The following NRG1 variants were observed in gnomAD, a reference collection of about 807,000 sequenced individuals.
NRG1 encodes neuregulin 1.
Under a neutral mutation model 63.8 loss-of-function variants are expected in NRG1, and 18 were observed. The ratio of observed to expected loss-of-function variants is 0.28; its 90% CI spans 0.19 to 0.42. NRG1 has a LOEUF of 0.42. Among genes scored for constraint, NRG1 ranks in the 10% least tolerant of loss-of-function variants. NRG1 has a pLI of 1.00. For missense variants in NRG1, 762 were observed against 814.7 expected, an observed-to-expected ratio of 0.94 and a Z score of 0.79; for synonymous variants, 302 against 301.3, an observed-to-expected ratio of 1.00 and a Z score of -0.02.
At chr8:31,831,492 C>T (rs1825159386) in intron 1 of NRG1, among the ~76,000 whole-genome samples, 1 of 152,160 alleles carries the variant, frequency 6.6e-6, no homozygotes. Context: ...GAGCTTCAAA[C>T]AGTTCTTCCT....
At chr8:31,775,072 C>T (rs1306355034) in intron 1 of NRG1, among the ~76,000 whole-genome samples, 8 of 98,582 alleles carry the variant, frequency 8.1e-5, no homozygotes. Flanking sequence ...CTATTCAATC[C>T]AGTAATCCCA....
chr8:32,350,605 A>G (rs17706408), intron 1 of NRG1, among the ~76,000 whole-genome samples: 10,818 of 152,254 alleles, frequency 0.071, 484 homozygotes, highest in Middle Eastern at 0.14. Flanking sequence ...AAGAGATCTG[A>G]TCAGATTTGA....
At chr8:31,954,959 T>G (rs2129624183) in intron 1 of NRG1, among the ~76,000 whole-genome samples, 1 of 152,142 alleles carries the variant, frequency 6.6e-6, no homozygotes, top group South Asian at 2.1e-4. Context: ...AGAATATTTC[T>G]TATCACAGAG....
intron 1 of NRG1, among the ~76,000 whole-genome samples, chr8:32,130,580 C>G (rs576995921): frequency 2.6e-5 from 4 of 151,964 alleles, no homozygotes; most frequent in African/African-American, 9.6e-5. Flanking sequence ...TGCAAGGAAC[C>G]AGGCATAAAT....
intron 5 of NRG1, among the ~76,000 whole-genome samples, chr8:32,643,976 T>TG (rs1295223583): frequency 6.6e-6 from 1 of 152,176 alleles, no homozygotes; most frequent in Non-Finnish European, 1.5e-5. Context: ...AAAAGCAGTA[T>TG]TTTTCAGCAG....
Position 32,760,423 on chromosome 8 carries a change from A to C in NRG1, c.1259+17A>C, listed in dbSNP as rs1053043517. ...TAGTGAAAGGTAAAACCGAAGGGCA[A>C]AGCTACTGCAGAGGAGAAACTCAGT... On this transcript the variant is annotated intron_variant, in intron 11 of 11. Coordinates refer to ENST00000356819, the Ensembl canonical transcript of NRG1. 9 of 1,612,492 alleles carry C rather than the reference A, an allele frequency of 5.6e-6. No individual in the cohort carries two copies. The highest frequency in any genetic ancestry group is 7.6e-6 in the Non-Finnish European group (9 of 1,179,758).
chr8:32,280,094 A>G (rs4733117), intron 1 of NRG1, among the ~76,000 whole-genome samples: 1 of 152,132 alleles, frequency 6.6e-6, no homozygotes, highest in African/African-American at 2.4e-5. Context: ...AAATGCTGAT[A>G]AATTCCTGTA....
At chr8:31,959,703 A>T (rs894293982) in intron 1 of NRG1, among the ~76,000 whole-genome samples, 4 of 151,858 alleles carry the variant, frequency 2.6e-5, no homozygotes, top group Non-Finnish European at 5.9e-5. Context: ...CCCAAATGAC[A>T]TTTTTTTTAA....
intron 1 of NRG1, among the ~76,000 whole-genome samples, chr8:31,887,977 G>T (rs1830851172): frequency 6.6e-6 from 1 of 150,768 alleles, no homozygotes; most frequent in Admixed American, 6.6e-5. Flanking sequence ...TATAAATATT[G>T]ATATATTACA....
At chr8:32,222,758 G>A (rs1367466313) in intron 1 of NRG1, among the ~76,000 whole-genome samples, 1 of 152,082 alleles carries the variant, frequency 6.6e-6, no homozygotes, top group Admixed American at 6.6e-5. Flanking sequence ...GCCATCACCA[G>A]GTATAAGGTG....
At chr8:31,706,953 A>C (rs1399658993) in intron 1 of NRG1, among the ~76,000 whole-genome samples, 3 of 152,052 alleles carry the variant, frequency 2.0e-5, no homozygotes, top group Non-Finnish European at 4.4e-5. Flanking sequence ...ATAAAGTAAA[A>C]AATGTTTCAG....
chr8:32,311,821 A>G (rs1040979561), intron 1 of NRG1, among the ~76,000 whole-genome samples: 2 of 152,194 alleles, frequency 1.3e-5, no homozygotes, highest in Admixed American at 6.5e-5. Flanking sequence ...TCCAAGGTGC[A>G]TGGCTGCCCA....
At chr8:32,371,355 G>C (rs1711711514) in intron 1 of NRG1, among the ~76,000 whole-genome samples, 1 of 152,198 alleles carries the variant, frequency 6.6e-6, no homozygotes, top group Non-Finnish European at 1.5e-5. Context: ...TCAGCATTCT[G>C]TGACTGCGTG....
At chr8:32,549,194 C>T (rs933238830) in intron 1 of NRG1, among the ~76,000 whole-genome samples, 1 of 152,258 alleles carries the variant, frequency 6.6e-6, no homozygotes, top group African/African-American at 2.4e-5. Flanking sequence ...GCGCGTGCCC[C>T]GCGCCATAAG....
intron 1 of NRG1, among the ~76,000 whole-genome samples, chr8:31,685,428 T>A (rs1808785883): frequency 6.6e-6 from 1 of 152,206 alleles, no homozygotes. Context: ...GGATTTATAC[T>A]TTGTAAAAGT....
intron 1 of NRG1, among the ~76,000 whole-genome samples, chr8:32,151,603 G>A (rs1002578065): frequency 8.5e-5 from 13 of 152,196 alleles, no homozygotes; most frequent in African/African-American, 2.6e-4. Context: ...TGTGAGGATC[G>A]GAAATGTAAG....
At chr8:32,026,633 G>T (rs1384743748) in intron 1 of NRG1, among the ~76,000 whole-genome samples, 4 of 152,076 alleles carry the variant, frequency 2.6e-5, no homozygotes, top group Non-Finnish European at 5.9e-5. Context: ...TTAGTCCCAA[G>T]ATGCCTAAAA....
chr8:31,792,420 CAG>C (rs1820805682), intron 1 of NRG1, among the ~76,000 whole-genome samples: 1 of 152,020 alleles, frequency 6.6e-6, no homozygotes, highest in Non-Finnish European at 1.5e-5. Flanking sequence ...GCCAAAGAAA[CAG>C]AACAGAAAAA....
At chr8:32,154,820 G>A (rs1352577566) in intron 1 of NRG1, among the ~76,000 whole-genome samples, 1 of 152,180 alleles carries the variant, frequency 6.6e-6, no homozygotes, top group Non-Finnish European at 1.5e-5. Context: ...GAAAGGAAGG[G>A]GAGGGGGATT....
Sources: gnomAD v4.1 joint callset for allele counts (sites outside exome capture counted in the v4.1 genomes callset) on GRCh38, gnomAD v4.1.1 for gene constraint, MANE v1.5 for transcripts, NCBI Gene and HGNC (gene_info 2026-07-23, HGNC 2026-07-21) for gene names.